CHRM3: variants seen among roughly 807,000 people sequenced by gnomAD.
CHRM3 encodes the protein muscarinic acetylcholine receptor M3.
CHRM3 carries 11 observed loss-of-function variants against 41.8 expected under a neutral mutation model. The ratio of observed to expected loss-of-function variants is 0.26; its 90% CI spans 0.17 to 0.44. CHRM3 has a LOEUF of 0.44. CHRM3 is among the 20% of genes least tolerant of loss of function. CHRM3 has a pLI of 1.00. For missense variants in CHRM3, 571 were observed against 745.4 expected, an observed-to-expected ratio of 0.77 and a Z score of 2.72; for synonymous variants, 297 against 301.4, an observed-to-expected ratio of 0.99 and a Z score of 0.15.
In CHRM3 at chr1:239,885,644, C is replaced by T. The variant is rs548229481; in HGVS notation, c.-19-21789C>T. The stretch of plus-strand genomic sequence containing the variant: ...ACTTTCTGCAAGTGTACTTCAGCGA[C>T]GCATTCATTGTGTTGTGATCACAGG... On this transcript the variant is annotated intron_variant, in intron 6 of 6. Transcript: ENST00000676153. 6.6e-5 allele frequency among the ~76,000 whole-genome samples: 10 copies of T among 152,250 alleles called. No individual in the cohort carries two copies. The East Asian group carries it at 1.2e-3, about 18-fold the overall frequency.
intron 1 of CHRM3, among the ~76,000 whole-genome samples, chr1:239,463,156 GCA>G (rs2147890613): frequency 6.6e-6 from 1 of 152,130 alleles, no homozygotes; most frequent in East Asian, 1.9e-4. Flanking sequence ...TAAGCAGCTA[GCA>G]CAGAGTTTGG....
At chr1:239,550,638 G>A (rs549990784) in intron 3 of CHRM3, among the ~76,000 whole-genome samples, 1 of 152,180 alleles carries the variant, frequency 6.6e-6, no homozygotes, top group East Asian at 1.9e-4. Flanking sequence ...AATGAAAAGT[G>A]GCAAATTTTA....
At chr1:239,753,850 T>C (rs1216373589) in intron 5 of CHRM3, among the ~76,000 whole-genome samples, 4 of 152,202 alleles carry the variant, frequency 2.6e-5, no homozygotes, top group South Asian at 2.1e-4. Flanking sequence ...TTTTTAAAGA[T>C]ATTTTTCTAC....
At chr1:239,412,131 G>A (rs1014213596) in intron 1 of CHRM3, among the ~76,000 whole-genome samples, 1 of 150,376 alleles carries the variant, frequency 6.6e-6, no homozygotes, top group Non-Finnish European at 1.5e-5. Flanking sequence ...ATTACTTAGT[G>A]AACTATGATA....
chr1:239,818,716 C>G (rs1371223612), intron 5 of CHRM3, among the ~76,000 whole-genome samples: 1 of 152,182 alleles, frequency 6.6e-6, no homozygotes, highest in Non-Finnish European at 1.5e-5. Context: ...GGCAACACCT[C>G]ATGCTATGAA....
chr1:239,480,513 T>G (rs1455741270), intron 1 of CHRM3, among the ~76,000 whole-genome samples: 2 of 151,824 alleles, frequency 1.3e-5, no homozygotes, highest in Non-Finnish European at 1.5e-5. Context: ...ACTTTATTCA[T>G]TTTAACTCAG....
At chr1:239,574,193 A>G (rs1662111143) in intron 3 of CHRM3, among the ~76,000 whole-genome samples, 1 of 152,192 alleles carries the variant, frequency 6.6e-6, no homozygotes, top group African/African-American at 2.4e-5. Flanking sequence ...TGATCCTTGT[A>G]AAAGCTCAGC....
At position 239,548,799 on chromosome 1, in the gene CHRM3, G is replaced by A. The variant is rs1320266565; in HGVS notation, c.-313+3050G>A. Among the ~76,000 whole-genome samples, 5 of 152,196 alleles carry A rather than the reference G, an allele frequency of 3.3e-5. 1 individual carries two copies. The South Asian group carries it at 1.0e-3, about 32-fold the overall frequency. On this transcript the variant is annotated intron_variant, in intron 3 of 6. Transcript: ENST00000676153. ...GCCATACTTCTAGCCCTTCAATGCAGCCAAGATGCACATTATGAAGTCTCG... is the reference window on the plus strand; with the variant it reads ...GCCATACTTCTAGCCCTTCAATGCAACCAAGATGCACATTATGAAGTCTCG...
intron 4 of CHRM3, among the ~76,000 whole-genome samples, chr1:239,651,344 G>A (rs1360154089): frequency 6.6e-6 from 1 of 152,148 alleles, no homozygotes; most frequent in Non-Finnish European, 1.5e-5. Context: ...TTAGAATAAA[G>A]GAGGGTTTCT....
intron 2 of CHRM3, among the ~76,000 whole-genome samples, chr1:239,505,612 C>T (rs965178409): frequency 3.3e-5 from 5 of 152,170 alleles, no homozygotes; most frequent in African/African-American, 4.8e-5. Context: ...ATGGCCCAGT[C>T]TCGGATGTGT....
chr1:239,801,412 A>G (rs1670203447), intron 5 of CHRM3, among the ~76,000 whole-genome samples: 1 of 152,212 alleles, frequency 6.6e-6, no homozygotes, highest in South Asian at 2.1e-4. Flanking sequence ...AGTAGCTGAG[A>G]TAAAGCAGGT....
At chr1:239,468,106 A>G (rs1002163652) in intron 1 of CHRM3, among the ~76,000 whole-genome samples, 3 of 152,220 alleles carry the variant, frequency 2.0e-5, no homozygotes, top group Admixed American at 6.5e-5. Flanking sequence ...AAAGGCATAT[A>G]TAAATCTCTG....
intron 1 of CHRM3, among the ~76,000 whole-genome samples, chr1:239,476,513 A>G (rs1666483255): frequency 6.6e-6 from 1 of 151,858 alleles, no homozygotes; most frequent in African/African-American, 2.4e-5. Context: ...AAACCTTCTT[A>G]GTAACAAACT....
At chr1:239,585,052 A>AATATAC (rs1553333683) in intron 3 of CHRM3, among the ~76,000 whole-genome samples, 2 of 144,778 alleles carry the variant, frequency 1.4e-5, no homozygotes, top group African/African-American at 5.1e-5. Context: ...GCAACAATTA[A>AATATAC]ATATATATAT....
At chr1:239,819,489 T>A (rs961423679) in intron 5 of CHRM3, among the ~76,000 whole-genome samples, 1 of 152,232 alleles carries the variant, frequency 6.6e-6, no homozygotes, top group African/African-American at 2.4e-5. Context: ...TTACTGCCTG[T>A]CTGCGTTAAG....
At position 239,912,561 on chromosome 1, in the gene CHRM3, T is replaced by A. The variant is rs1265395792; in HGVS notation, c.*3337T>A. ...CAGGGCTCATTGCTCTGCAGAGCGC[T>A]GGAAGCCCCTTCATGTATCGAGAGA... On this transcript the variant is annotated 3_prime_UTR_variant, in exon 7 of 7. Coordinates refer to ENST00000676153, the MANE Select transcript of CHRM3 (RefSeq NM_001375978.1). 1 of 167,130 alleles carries A rather than the reference T, an allele frequency of 6.0e-6. No individual in the cohort carries two copies. Among genetic ancestry groups the A allele is most frequent in the Non-Finnish European group, 1.5e-5 (1 of 68,140 alleles). The allele number at this position is 167,130 out of a possible 1,614,324, so 10.4% of individuals were successfully genotyped here. A position where few individuals can be genotyped will look rare whatever the true frequency, so the allele number is the denominator to read the frequency against.
chr1:239,887,350 C>T (rs919524439), intron 6 of CHRM3, among the ~76,000 whole-genome samples: 13 of 152,068 alleles, frequency 8.5e-5, no homozygotes, highest in Non-Finnish European at 1.9e-4. Context: ...TATAGGCACC[C>T]GCCACCATGC....
chr1:239,814,230 C>T (rs1671386083), intron 5 of CHRM3, among the ~76,000 whole-genome samples: 1 of 152,040 alleles, frequency 6.6e-6, no homozygotes, highest in Non-Finnish European at 1.5e-5. Context: ...GTTTCTCTCT[C>T]TCAGTATTTT....
chr1:239,477,161 G>T (rs1182205765), intron 1 of CHRM3, among the ~76,000 whole-genome samples: 1 of 152,178 alleles, frequency 6.6e-6, no homozygotes, highest in Admixed American at 6.5e-5. Flanking sequence ...GTGCTTCTTA[G>T]GTTAAATATG....
Sources: allele counts gnomAD v4.1 joint callset (sites outside exome capture counted in the v4.1 genomes callset), GRCh38; gene constraint gnomAD v4.1.1; transcripts MANE v1.5; gene names NCBI Gene and HGNC (gene_info 2026-07-23, HGNC 2026-07-21).